PKP2: variants seen among roughly 807,000 people sequenced by gnomAD.
PKP2 encodes the protein plakophilin 2.
A neutral mutation model predicts 83.4 loss-of-function variants in PKP2; 73 were observed. That is an observed-to-expected ratio of 0.88 (90% confidence interval 0.72 to 1.06). The LOEUF is 1.06. Among genes scored for constraint, PKP2 ranks in the 50% least tolerant of loss-of-function variants. The pLI, the probability that PKP2 is intolerant of heterozygous loss-of-function variation, is 0.00. For missense variants in PKP2, 966 were observed against 1,065.4 expected (o/e 0.91, Z 1.30); for synonymous variants, 409 against 430.4 (o/e 0.95, Z 0.62).
At chr12:32,823,119 T>G (rs1257350892) in intron 7 of PKP2, among the ~76,000 whole-genome samples, 1 of 152,102 alleles carries the variant, frequency 6.6e-6, no homozygotes, top group Middle Eastern at 3.2e-3. Context: ...TGATGATTAT[T>G]AAGAAGGATT....
intron 4 of PKP2, among the ~76,000 whole-genome samples, chr12:32,862,450 C>A (rs1466744928): frequency 4.0e-5 from 6 of 151,120 alleles, no homozygotes; most frequent in Non-Finnish European, 8.8e-5. Context: ...AGTTTGAGAC[C>A]AGCCTGACCA....
intron 3 of PKP2, among the ~76,000 whole-genome samples, chr12:32,871,164 C>T (rs1241991137): frequency 2.0e-5 from 3 of 152,034 alleles, no homozygotes; most frequent in African/African-American, 4.8e-5. Context: ...CCAATCACAC[C>T]AGGCTTTTAA....
intron 4 of PKP2, among the ~76,000 whole-genome samples, chr12:32,862,185 C>A (rs936703851): frequency 6.6e-6 from 1 of 152,200 alleles, no homozygotes; most frequent in African/African-American, 2.4e-5. Flanking sequence ...GCGTGAGCCA[C>A]CACGCCGTGG....
intron 4 of PKP2, among the ~76,000 whole-genome samples, chr12:32,857,098 G>T (rs764431130): frequency 8.5e-5 from 13 of 152,142 alleles, no homozygotes; most frequent in African/African-American, 1.2e-4. Flanking sequence ...ACAGAGGGAG[G>T]GTTGGAGAGT....
intron 10 of PKP2, among the ~76,000 whole-genome samples, chr12:32,796,560 T>A (rs1017100537): frequency 1.1e-4 from 16 of 152,004 alleles, no homozygotes; most frequent in African/African-American, 3.6e-4. Context: ...TTTTTTTATT[T>A]TTTTATTTTT....
At position 32,869,017 on chromosome 12, in the gene PKP2, G is replaced by A. The variant is rs397516984; in HGVS notation, c.1080C>T (p.Leu360=). 17 of 1,613,666 alleles carry A rather than the reference G, an allele frequency of 1.1e-5. No homozygotes were observed. Among genetic ancestry groups the A allele is most frequent in the Non-Finnish European group, 1.2e-5 (14 of 1,179,846 alleles). ...EMTLERAVSM[L]EADHMLPSRI... ...TGGATGGCAGCATGTGGTCTGCCTC[G>A]AGCATACTCACTGCTCGCTCCAGAG... The change falls in exon 4 of 13, where the codon CTC becomes CTT. Residue 360 remains leucine (L), a synonymous_variant. Coordinates refer to ENST00000340811, the MANE Select transcript of PKP2 (RefSeq NM_001005242.3).
chr12:32,813,622 T>TA (rs574648936), intron 9 of PKP2, among the ~76,000 whole-genome samples: 41 of 151,984 alleles, frequency 2.7e-4, no homozygotes, highest in Admixed American at 2.6e-3. Context: ...CTACAAATGA[T>TA]AAAAAAATTT....
intron 4 of PKP2, among the ~76,000 whole-genome samples, chr12:32,851,945 G>A (rs1956700186): frequency 6.6e-6 from 1 of 152,178 alleles, no homozygotes; most frequent in Non-Finnish European, 1.5e-5. Flanking sequence ...GCACAACCAG[G>A]AATGGGAAAC....
At chr12:32,825,167 T>C (rs896664605) in intron 6 of PKP2, among the ~76,000 whole-genome samples, 14 of 138,278 alleles carry the variant, frequency 1.0e-4, no homozygotes, top group South Asian at 4.9e-4. Context: ...AGTTTCTTTT[T>C]TTTTTTTTTT....
intron 6 of PKP2, among the ~76,000 whole-genome samples, chr12:32,832,751 T>TAAA (rs1157851152): frequency 6.6e-6 from 1 of 152,198 alleles, no homozygotes; most frequent in African/African-American, 2.4e-5. Flanking sequence ...TAAATGCATT[T>TAAA]AGATTCTGAT....
chr12:32,793,611 T>TG (rs1956093100), intron 11 of PKP2, among the ~76,000 whole-genome samples: 1 of 137,054 alleles, frequency 7.3e-6, no homozygotes, highest in African/African-American at 2.7e-5. Flanking sequence ...TTTCATATTC[T>TG]GCTTTTTTTT....
chr12:32,802,682 A>ATCTTATTTATTT (rs1956193694), intron 9 of PKP2, 126 bp from the exon 10 acceptor site: 11 of 861,622 alleles, frequency 1.3e-5, no homozygotes, highest in Non-Finnish European at 2.0e-5. Flanking sequence ...ATTTTGAGAC[A>ATCTTATTTATTT]AAGTCTCTCT....
chr12:32,885,320 A>G (rs1360607777), intron 1 of PKP2, among the ~76,000 whole-genome samples: 1 of 152,224 alleles, frequency 6.6e-6, no homozygotes, highest in Non-Finnish European at 1.5e-5. Context: ...GGTCACCAAT[A>G]CAAACATTGC....
At chr12:32,866,149 TA>T (rs1193251188) in intron 4 of PKP2, among the ~76,000 whole-genome samples, 2 of 152,008 alleles carry the variant, frequency 1.3e-5, no homozygotes, top group African/African-American at 4.8e-5. Context: ...CAGAAAATAT[TA>T]AAAAACTTAC....
At chr12:32,856,315 TGA>T (rs1956747506) in intron 4 of PKP2, among the ~76,000 whole-genome samples, 2 of 152,204 alleles carry the variant, frequency 1.3e-5, no homozygotes, top group South Asian at 4.2e-4. Flanking sequence ...CTGTGAAGCA[TGA>T]GACTATTAGG....
chr12:32,805,366 GA>G (rs1956217941), intron 9 of PKP2, among the ~76,000 whole-genome samples: 1 of 152,110 alleles, frequency 6.6e-6, no homozygotes, highest in Non-Finnish European at 1.5e-5. Flanking sequence ...TTTTTGTCAT[GA>G]AATCTTTGCC....
intron 6 of PKP2, among the ~76,000 whole-genome samples, chr12:32,830,254 T>C (rs925551999): frequency 1.3e-5 from 2 of 152,202 alleles, no homozygotes; most frequent in African/African-American, 4.8e-5. Flanking sequence ...ACCTGATACA[T>C]ATCAAACAGT....
chr12:32,840,423 G>C (rs1055284554), intron 6 of PKP2, among the ~76,000 whole-genome samples: 23 of 152,224 alleles, frequency 1.5e-4, no homozygotes, highest in Non-Finnish European at 2.5e-4. Flanking sequence ...CCAGCCTCCT[G>C]AGTAGGTGGG....
intron 1 of PKP2, chr12:32,894,913 T>A (rs1957108197): frequency 6.6e-6 from 1 of 152,224 alleles, no homozygotes; most frequent in African/African-American, 2.4e-5. Flanking sequence ...GCAGCAGTTC[T>A]GTGTTTTCTA....
Sources: allele counts gnomAD v4.1 joint callset (sites outside exome capture counted in the v4.1 genomes callset), GRCh38; gene constraint gnomAD v4.1.1; transcripts MANE v1.5; gene names NCBI Gene and HGNC (gene_info 2026-07-23, HGNC 2026-07-21).